The following KCNQ5 variants were observed in gnomAD, a reference collection of about 807,000 sequenced individuals.
KCNQ5 encodes the protein potassium voltage-gated channel subfamily Q member 5.
A neutral mutation model predicts 98.2 loss-of-function variants in KCNQ5; 30 were observed. That is an observed-to-expected ratio of 0.31 (90% confidence interval 0.23 to 0.41). The LOEUF is 0.41. KCNQ5 is among the 10% of genes least tolerant of loss of function. The probability of loss-of-function intolerance (pLI) is 1.00; values close to 1 mark genes in which losing one functional copy is unlikely to be tolerated. For synonymous variants in KCNQ5, 458 were observed against 449.4 expected (o/e 1.02, Z -0.24); for missense variants, 835 against 1,182.5 (o/e 0.71, Z 4.31).
intron 1 of KCNQ5, among the ~76,000 whole-genome samples, chr6:72,895,827 C>A (rs1288396750): frequency 2.0e-5 from 3 of 151,604 alleles, no homozygotes; most frequent in Non-Finnish European, 4.4e-5. Context: ...TCTCTTACAT[C>A]CAAAGTAATA....
chr6:72,983,899 C>G (rs1768606009), intron 1 of KCNQ5, among the ~76,000 whole-genome samples: 1 of 152,128 alleles, frequency 6.6e-6, no homozygotes, highest in Non-Finnish European at 1.5e-5. Context: ...CTATTCCTTT[C>G]TGTTTGTTAA....
At chr6:73,101,649 T>G (rs1774778301) in intron 5 of KCNQ5, among the ~76,000 whole-genome samples, 1 of 151,638 alleles carries the variant, frequency 6.6e-6, no homozygotes, top group Admixed American at 6.6e-5. Flanking sequence ...ATAATCCCAT[T>G]TACAATAGCT....
chr6:73,030,910 C>G (rs7765606), intron 2 of KCNQ5, among the ~76,000 whole-genome samples: 1 of 152,192 alleles, frequency 6.6e-6, no homozygotes, highest in South Asian at 2.1e-4. Context: ...AACAGTTGAG[C>G]TTTTCGGGGT....
intron 1 of KCNQ5, among the ~76,000 whole-genome samples, chr6:72,819,631 G>T (rs1775660053): frequency 6.6e-6 from 1 of 152,134 alleles, no homozygotes; most frequent in African/African-American, 2.4e-5. Context: ...ATAGATACAT[G>T]CCCTTGCTCC....
intron 2 of KCNQ5, among the ~76,000 whole-genome samples, chr6:73,017,932 C>A (rs1042911282): frequency 6.6e-6 from 1 of 152,098 alleles, no homozygotes; most frequent in Admixed American, 6.6e-5. Context: ...AGGACCACCC[C>A]TAGGAGTGCA....
At chr6:72,848,807 T>C (rs1777120083) in intron 1 of KCNQ5, among the ~76,000 whole-genome samples, 1 of 152,168 alleles carries the variant, frequency 6.6e-6, no homozygotes, top group South Asian at 2.1e-4. Context: ...AAAAGGCTTC[T>C]CCCGCTTTGC....
intron 3 of KCNQ5, among the ~76,000 whole-genome samples, chr6:73,049,572 T>C (rs1772121978): frequency 6.6e-6 from 1 of 152,196 alleles, no homozygotes; most frequent in Non-Finnish European, 1.5e-5. Flanking sequence ...AATTATAGTA[T>C]AATCCGTTTA....
chr6:72,987,565 A>G (rs1475206727), intron 1 of KCNQ5: 1 of 631,196 alleles, frequency 1.6e-6, no homozygotes, highest in Non-Finnish European at 3.0e-6. Context: ...AAGGTCCAAC[A>G]TAGCCCTCAG....
chr6:72,899,757 A>T (rs1779406015), intron 1 of KCNQ5, among the ~76,000 whole-genome samples: 1 of 152,002 alleles, frequency 6.6e-6, no homozygotes, highest in African/African-American at 2.4e-5. Context: ...TCACCAGAGC[A>T]GTATACACTT....
chr6:72,948,769 T>A (rs1224042806), intron 1 of KCNQ5, among the ~76,000 whole-genome samples: 1 of 152,144 alleles, frequency 6.6e-6, no homozygotes, highest in African/African-American at 2.4e-5. Flanking sequence ...CTGAAAGAGC[T>A]TGAATTTTAT....
chr6:72,997,355 C>T lies in KCNQ5; in HGVS notation c.399-6553C>T, dbSNP rs78988027. On this transcript the variant is annotated intron_variant, in intron 1 of 13. Coordinates refer to ENST00000370398, the MANE Select transcript of KCNQ5 (RefSeq NM_019842.4). Reference sequence around the variant, plus strand: ...CTAGCTTTTTTACATTAGCCATAGTCCTTTAAAGAAATACTCTAAGCAAGC... The same window carrying T: ...CTAGCTTTTTTACATTAGCCATAGTTCTTTAAAGAAATACTCTAAGCAAGC... 6.3e-3 allele frequency among the ~76,000 whole-genome samples: 959 copies of T among 152,140 alleles called. 13 individuals carry two copies. Among genetic ancestry groups the T allele is most frequent in the African/African-American group, 0.022 (909 of 41,502 alleles).
intron 10 of KCNQ5, among the ~76,000 whole-genome samples, chr6:73,154,085 C>T (rs560640829): frequency 2.3e-4 from 35 of 151,522 alleles, no homozygotes; most frequent in African/African-American, 7.7e-4. Context: ...GCTTTTTTTT[C>T]AATAAAAACT....
At chr6:73,113,619 C>A (rs572224346) in intron 7 of KCNQ5, among the ~76,000 whole-genome samples, 1 of 152,372 alleles carries the variant, frequency 6.6e-6, no homozygotes, top group Admixed American at 6.5e-5. Flanking sequence ...CAGGAAATCT[C>A]CTGATCTAAC....
intron 1 of KCNQ5, among the ~76,000 whole-genome samples, chr6:72,911,783 G>T (rs934276949): frequency 6.6e-6 from 1 of 152,116 alleles, no homozygotes; most frequent in Non-Finnish European, 1.5e-5. Context: ...TTTTTATGGT[G>T]TGTCCAAATC....
chr6:72,896,954 T>C (rs1047898184), intron 1 of KCNQ5, among the ~76,000 whole-genome samples: 1 of 152,112 alleles, frequency 6.6e-6, no homozygotes, highest in Non-Finnish European at 1.5e-5. Context: ...GTTGGTTGGT[T>C]GGTTGGTTGG....
intron 1 of KCNQ5, among the ~76,000 whole-genome samples, chr6:72,812,936 G>T (rs540488005): frequency 6.6e-6 from 1 of 152,260 alleles, no homozygotes; most frequent in South Asian, 2.1e-4. Context: ...GATTAAAAAT[G>T]CATATTTCCC....
At chr6:72,967,392 C>G (rs538304574) in intron 1 of KCNQ5, among the ~76,000 whole-genome samples, 1 of 152,064 alleles carries the variant, frequency 6.6e-6, no homozygotes, top group South Asian at 2.1e-4. Context: ...AAAAATATCC[C>G]TTTATTTAAT....
chr6:72,661,528 A>G (rs1164866010), intron 1 of KCNQ5, among the ~76,000 whole-genome samples: 1 of 152,102 alleles, frequency 6.6e-6, no homozygotes, highest in African/African-American at 2.4e-5. Context: ...TTTTCCCCAT[A>G]GGAGTAAGTT....
intron 5 of KCNQ5, 139 bp downstream of exon 5, chr6:73,078,026 A>G (rs374201169): frequency 1.5e-6 from 1 of 664,406 alleles, no homozygotes; most frequent in East Asian, 3.0e-5. Flanking sequence ...AATACTACTT[A>G]TTATTGTCTA....
Sources: allele counts gnomAD v4.1 joint callset (sites outside exome capture counted in the v4.1 genomes callset), GRCh38; gene constraint gnomAD v4.1.1; transcripts MANE v1.5; gene names NCBI Gene and HGNC (gene_info 2026-07-23, HGNC 2026-07-21).